LLGL2: variants seen among roughly 807,000 people sequenced by gnomAD.
LLGL2 encodes the protein LLGL scribble cell polarity complex component 2.
A neutral mutation model predicts 123.2 loss-of-function variants in LLGL2; 81 were observed. The ratio of observed to expected loss-of-function variants is 0.66; its 90% confidence interval spans 0.55 to 0.79. LLGL2 has a LOEUF of 0.79. LLGL2 is among the 30% of genes least tolerant of loss of function. LLGL2 has a pLI of 0.00. For missense variants in LLGL2, 1,273 were observed against 1,414.6 expected, an observed-to-expected ratio of 0.90 and a Z score of 1.61; for synonymous variants, 577 against 594.1, an observed-to-expected ratio of 0.97 and a Z score of 0.42.
Position 75,570,418 on chromosome 17 carries a change from T to G in LLGL2, c.1945T>G (p.Ser649Ala), listed in dbSNP as rs765047154. ...PLSRVKSLKKSLRQSFRRMRR... is the reference protein window; with the variant it reads ...PLSRVKSLKKALRQSFRRMRR... Reference sequence around the variant, plus strand: ...CTCCCGCGTCAAGTCCCTCAAGAAGTCCTTGCGTCAGTCATTCCGCCGGAT... The same window carrying G: ...CTCCCGCGTCAAGTCCCTCAAGAAGGCCTTGCGTCAGTCATTCCGCCGGAT... The change falls in exon 16 of 26, where the codon TCC (serine) becomes GCC (alanine). Residue 649 changes from serine to alanine, a missense_variant. By Grantham distance (99) the Ser-to-Ala change is moderately conservative (BLOSUM62 1). Transcript: ENST00000392550. 3.1e-6 allele frequency: 5 copies of G among 1,608,852 alleles called. No individual in the cohort carries two copies. Among genetic ancestry groups the G allele is most frequent in the Non-Finnish European group, 3.4e-6 (4 of 1,178,380 alleles).
intron 23 of LLGL2, 84 bp downstream of exon 23, chr17:75,574,344 C>G: frequency 6.5e-7 from 1 of 1,529,090 alleles, no homozygotes; most frequent in South Asian, 1.2e-5. Flanking sequence ...AGGCCACTGC[C>G]CTGAGGCGGG....
intron 1 of LLGL2, among the ~76,000 whole-genome samples, chr17:75,536,822 T>C (rs2054019504): frequency 6.6e-6 from 1 of 152,204 alleles, no homozygotes; most frequent in African/African-American, 2.4e-5. Flanking sequence ...TTTCTCCATT[T>C]ATTTATTTAT....
At chr17:75,553,111 C>T (rs767253212) in intron 2 of LLGL2, among the ~76,000 whole-genome samples, 1 of 152,240 alleles carries the variant, frequency 6.6e-6, no homozygotes, top group Non-Finnish European at 1.5e-5. Flanking sequence ...CTGTCTACTC[C>T]CCTTTTCCTG....
chr17:75,554,646 C>T (rs974562859), intron 2 of LLGL2, among the ~76,000 whole-genome samples: 3 of 151,828 alleles, frequency 2.0e-5, no homozygotes, highest in Non-Finnish European at 4.4e-5. Flanking sequence ...TTTGTCATGC[C>T]TGTAATCCCA....
intron 18 of LLGL2, 40 bp downstream of exon 18, chr17:75,571,823 C>G: frequency 2.5e-6 from 4 of 1,603,716 alleles, no homozygotes; most frequent in Non-Finnish European, 3.4e-6. Context: ...GCTCGGGCTG[C>G]CTGGGCTGGG....
At position 75,571,719 on chromosome 17, in the gene LLGL2, T is replaced by C; in HGVS notation, c.2229T>C (p.Tyr743=). The C allele has an allele frequency of 2.5e-6, 4 of 1,609,884 alleles. No individual in the cohort carries two copies. The South Asian group carries it at 4.4e-5, about 18-fold the overall frequency. Residue 743 remains tyrosine (Y), a synonymous_variant, in exon 18 of 26, where the codon TAT becomes TAC. Transcript: ENST00000392550. The part of the protein sequence containing the change: ...LWAGTNGGTI[Y]AFSLRVPPAE... The stretch of plus-strand genomic sequence containing the variant: ...CTGGCACCAATGGGGGCACCATCTA[T>C]GCCTTCTCCCTGCGTGTGCCTCCCG...
rs781767443 is a variant in LLGL2, at chr17:75,573,078, G to C, written c.2525G>C (p.Arg842Thr). 1.2e-6 allele frequency: 2 copies of C among 1,613,076 alleles called. No individual in the cohort carries two copies. Among genetic ancestry groups the C allele is most frequent in the African/African-American group, 2.7e-5 (2 of 74,920 alleles). ...AAGCTGACGGCCCTGGAGGGCTCAAGAGTGCGGCGGGTCAGCGTGGCCCAC... is the reference window on the plus strand; with the variant it reads ...AAGCTGACGGCCCTGGAGGGCTCAACAGTGCGGCGGGTCAGCGTGGCCCAC... ...KLKLTALEGS[R>T]VRRVSVAHFG... Residue 842 changes from arginine (R) to threonine (T), a missense_variant, in exon 20 of 26, where the codon AGA becomes ACA. Physicochemically the swap from Arg to Thr is moderately conservative, Grantham distance 71 (BLOSUM62 -1). Transcript: ENST00000392550.
At chr17:75,572,919 G>A (rs1161946508) in intron 19 of LLGL2, 95 bp from the exon 20 acceptor site, 20 of 1,436,300 alleles carry the variant, frequency 1.4e-5, no homozygotes, top group South Asian at 6.6e-5. Context: ...TCAGGACACC[G>A]GGAGGCATGT....
chr17:75,569,655 T>C (rs1481839762), intron 14 of LLGL2, among the ~76,000 whole-genome samples: 1 of 152,022 alleles, frequency 6.6e-6, no homozygotes, highest in Non-Finnish European at 1.5e-5. Flanking sequence ...ATATAAAAAT[T>C]AGCCAGGCAT....
At chr17:75,536,345 G>A (rs765431729) in intron 1 of LLGL2, among the ~76,000 whole-genome samples, 13 of 152,190 alleles carry the variant, frequency 8.5e-5, no homozygotes, top group Admixed American at 3.9e-4. Context: ...CACAGCACCT[G>A]AGAGTTTGCC....
At chr17:75,540,644 TTTG>T (rs1477438364) in intron 1 of LLGL2, among the ~76,000 whole-genome samples, 2 of 152,238 alleles carry the variant, frequency 1.3e-5, no homozygotes, top group East Asian at 3.9e-4. Flanking sequence ...TTGGGCATCC[TTTG>T]TTCTGTATTA....
At position 75,563,171 on chromosome 17, in the gene LLGL2, G is replaced by A. The variant is rs776878589; in HGVS notation, c.686G>A (p.Ser229Asn). The change falls in exon 7 of 26, where the codon AGC becomes AAC. Residue 229 changes from serine to asparagine, a missense_variant. Transcript: ENST00000392550. ...AGCCGCGTGCTCTACCACTTCCTCA[G>A]CAGCCAGGTAGGCAGTGCCCAGGAC... is the stretch of plus-strand genomic sequence containing the variant. ...QGSRVLYHFL[S>N]SQQLENIWWQ... 6.2e-6 allele frequency: 10 copies of A among 1,613,056 alleles called. No individual in the cohort carries two copies. In the South Asian group the frequency reaches 9.9e-5, roughly 16 times the overall value.
chr17:75,572,895 G>T (rs1167118023), intron 19 of LLGL2, 119 bp from the exon 20 acceptor site: 3 of 1,241,828 alleles, frequency 2.4e-6, no homozygotes, highest in Non-Finnish European at 3.3e-6. Flanking sequence ...GTGCATCTGA[G>T]AGCCAAGGGT....
intron 18 of LLGL2, 33 bp from the exon 19 acceptor site, chr17:75,571,865 T>C: frequency 6.2e-7 from 1 of 1,606,574 alleles, no homozygotes; most frequent in Non-Finnish European, 8.5e-7. Flanking sequence ...TGCCACCCCC[T>C]CACCAGCCCC....
chr17:75,539,854 C>T (rs921189932), intron 1 of LLGL2, among the ~76,000 whole-genome samples: 1 of 152,136 alleles, frequency 6.6e-6, no homozygotes, highest in Admixed American at 6.6e-5. Context: ...AGTGATCCAC[C>T]CGCCTCGGCC....
Position 75,574,944 on chromosome 17 carries a change from C to T in LLGL2, c.*66C>T. ...ACTGATGGCCTTTCGGGGGTCCCTGCCCCAACCGGAGAGGCCGGTGCACAG... is the reference window on the plus strand; with the variant it reads ...ACTGATGGCCTTTCGGGGGTCCCTGTCCCAACCGGAGAGGCCGGTGCACAG... On this transcript the variant is annotated 3_prime_UTR_variant, in exon 26 of 26. Transcript: ENST00000392550. The T allele has an allele frequency of 1.2e-6, 2 of 1,612,006 alleles. No individual in the cohort carries two copies. The highest frequency in any genetic ancestry group is 8.5e-7 in the Non-Finnish European group (1 of 1,178,520).
Position 75,558,353 on chromosome 17 carries a change from G to T in LLGL2, c.255+117G>T. ...GGTGGCCCTGGGTTTGCTGCTGATGGAAAGACCTGGGACCCCCTCCCTTTC... is the reference window on the plus strand; with the variant it reads ...GGTGGCCCTGGGTTTGCTGCTGATGTAAAGACCTGGGACCCCCTCCCTTTC... On this transcript the variant is annotated intron_variant, in intron 4 of 25. Transcript: ENST00000392550. This position sits in a 1 kb window ranked among gnomAD's most constrained non-coding sequence, Gnocchi z 4.0. 8.3e-7 allele frequency: 1 copy of T among 1,200,224 alleles called. No individual in the cohort carries two copies. The highest frequency in any genetic ancestry group is 1.4e-5 in the South Asian group (1 of 71,702). The allele number at this position is 1,200,224 out of a possible 1,614,324, so 74.3% of individuals were successfully genotyped here.
chr17:75,537,351 G>A (rs376105055), intron 1 of LLGL2, among the ~76,000 whole-genome samples: 7 of 152,038 alleles, frequency 4.6e-5, no homozygotes, highest in East Asian at 3.9e-4. Flanking sequence ...AACCCATCTT[G>A]ACCATTCTCA....
intron 2 of LLGL2, among the ~76,000 whole-genome samples, chr17:75,555,290 CTTT>C (rs79727188): frequency 0.48 from 65,242 of 136,348 alleles, 15,710 homozygotes; most frequent in South Asian, 0.61. Flanking sequence ...AATTTTTGTT[CTTT>C]TTTTTTTTTT....
Sources: allele counts gnomAD v4.1 joint callset (sites outside exome capture counted in the v4.1 genomes callset), GRCh38; gene constraint gnomAD v4.1.1; non-coding constraint Gnocchi (gnomAD v3.1); transcripts MANE v1.5; gene names NCBI Gene and HGNC (gene_info 2026-07-23, HGNC 2026-07-21).